The following NELL2 variants were observed in gnomAD, a reference collection of about 807,000 sequenced individuals.
NELL2 encodes neural EGFL like 2, also known as protein kinase C-binding protein NELL2.
A neutral mutation model predicts 109.6 loss-of-function variants in NELL2; 41 were observed. That is an observed-to-expected ratio of 0.37 (90% CI 0.29 to 0.49). The LOEUF (loss-of-function observed/expected upper bound fraction) is 0.49. NELL2 is among the 20% of genes least tolerant of loss of function. NELL2 has a pLI of 0.98. For missense variants in NELL2, 900 were observed against 1,008.3 expected (o/e 0.89, Z 1.45); for synonymous variants, 355 against 344.7 (o/e 1.03, Z -0.33).
At chr12:44,653,659 A>G (rs913745746) in intron 13 of NELL2, among the ~76,000 whole-genome samples, 3 of 152,226 alleles carry the variant, frequency 2.0e-5, no homozygotes, top group Non-Finnish European at 1.5e-5. Flanking sequence ...CAAGAACACC[A>G]ACAAAACCTT....
At chr12:44,630,717 C>T (rs1347311546) in intron 13 of NELL2, among the ~76,000 whole-genome samples, 1 of 152,022 alleles carries the variant, frequency 6.6e-6, no homozygotes, top group Admixed American at 6.6e-5. Flanking sequence ...AGAGAACAGT[C>T]ATAATAATGA....
At chr12:44,524,734 T>C (rs907625974) in intron 16 of NELL2, among the ~76,000 whole-genome samples, 3 of 152,118 alleles carry the variant, frequency 2.0e-5, no homozygotes, top group Admixed American at 2.0e-4. Flanking sequence ...ATGGATTGGA[T>C]CAATAGCCGA....
Position 44,907,118 on chromosome 12 carries a change from T to C in NELL2, c.38+6681A>G, listed in dbSNP as rs529305152. ...TCTCCTTCCTGCCACCATGTGAAGG[T>C]TTGCTACTCCTGCCATGATTGTAAG... On this transcript the variant is annotated intron_variant, in intron 1 of 20. Transcript: ENST00000333837. Among the ~76,000 whole-genome samples the C allele has an allele frequency of 6.4e-4, 98 of 152,092 alleles. 1 individual carries two copies. Among genetic ancestry groups the C allele is most frequent in the African/African-American group, 2.3e-3 (94 of 41,520 alleles).
chr12:44,654,466 C>A (rs1010586145), intron 13 of NELL2, among the ~76,000 whole-genome samples: 4 of 152,190 alleles, frequency 2.6e-5, no homozygotes, highest in Non-Finnish European at 5.9e-5. Flanking sequence ...CTCCTGCTAG[C>A]CATACCTTTG....
intron 16 of NELL2, among the ~76,000 whole-genome samples, chr12:44,527,580 C>T (rs1007638541): frequency 6.6e-6 from 1 of 152,138 alleles, no homozygotes; most frequent in African/African-American, 2.4e-5. Context: ...TCTTACACTT[C>T]AGAGTAATTG....
intron 13 of NELL2, among the ~76,000 whole-genome samples, chr12:44,616,085 T>C (rs1945814066): frequency 6.6e-6 from 1 of 152,124 alleles, no homozygotes; most frequent in South Asian, 2.1e-4. Flanking sequence ...AGAAACACTG[T>C]GCATTGTGCT....
chr12:44,821,070 C>CACAT (rs1555222961), intron 2 of NELL2, among the ~76,000 whole-genome samples: 2 of 151,424 alleles, frequency 1.3e-5, no homozygotes, highest in Admixed American at 6.6e-5. Context: ...CACACACACA[C>CACAT]GTATATATAT....
intron 15 of NELL2, among the ~76,000 whole-genome samples, chr12:44,577,464 A>ATTT (rs1944140229): frequency 2.9e-5 from 3 of 103,916 alleles, no homozygotes; most frequent in African/African-American, 1.6e-4. Context: ...TCAGATGAGT[A>ATTT]GTTTTTTTTT....
chr12:44,529,551 T>A (rs4639992), intron 16 of NELL2, among the ~76,000 whole-genome samples: 1 of 151,848 alleles, frequency 6.6e-6, no homozygotes, highest in African/African-American at 2.4e-5. Context: ...TAGAAAAGAC[T>A]GACAAGGCCT....
intron 11 of NELL2, among the ~76,000 whole-genome samples, chr12:44,709,090 T>C (rs549144784): frequency 3.3e-5 from 5 of 152,196 alleles, no homozygotes; most frequent in African/African-American, 9.6e-5. Context: ...ACTTCTACGC[T>C]ATTCATCTCT....
intron 15 of NELL2, among the ~76,000 whole-genome samples, chr12:44,597,677 T>C (rs530026156): frequency 2.2e-4 from 33 of 152,318 alleles, no homozygotes; most frequent in Middle Eastern, 6.8e-3. Context: ...GCCTACTATA[T>C]GCAAAGCATG....
At position 44,824,992 on chromosome 12, in the gene NELL2, G is replaced by A. The variant is rs568183111; in HGVS notation, c.185-8856C>T. On this transcript the variant is annotated intron_variant, in intron 2 of 19. Transcript: ENST00000429094. ...CCCAAAATGCTGGGATTACAGGCGTGAGCCACCGTGCCCGGCCTGTAGTGT... is the reference window on the plus strand; with the variant it reads ...CCCAAAATGCTGGGATTACAGGCGTAAGCCACCGTGCCCGGCCTGTAGTGT... Among the ~76,000 whole-genome samples the A allele has an allele frequency of 8.5e-5, 13 of 152,248 alleles. No individual in the cohort carries two copies. The South Asian group carries it at 2.7e-3, about 32-fold the overall frequency.
At chr12:44,775,636 T>C (rs1941728623) in intron 8 of NELL2, among the ~76,000 whole-genome samples, 1 of 152,208 alleles carries the variant, frequency 6.6e-6, no homozygotes, top group Non-Finnish European at 1.5e-5. Flanking sequence ...TTGCTCAATC[T>C]GGACACAATA....
chr12:44,578,968 TTTTGTTTG>T (rs994392807), intron 15 of NELL2, among the ~76,000 whole-genome samples: 1 of 152,182 alleles, frequency 6.6e-6, no homozygotes, highest in Admixed American at 6.5e-5. Context: ...AGGGGCATTC[TTTTGTTTG>T]TTTGTTTGTT....
chr12:44,728,825 C>T (rs919357019), intron 9 of NELL2, among the ~76,000 whole-genome samples: 4 of 152,020 alleles, frequency 2.6e-5, no homozygotes, highest in South Asian at 2.1e-4. Context: ...AGTACAATGA[C>T]GTATTTAAAG....
intron 15 of NELL2, among the ~76,000 whole-genome samples, chr12:44,554,145 G>A (rs1943149493): frequency 6.6e-6 from 1 of 152,132 alleles, no homozygotes; most frequent in South Asian, 2.1e-4. Flanking sequence ...ATAAAATAAT[G>A]TAGCCTTCTG....
intron 9 of NELL2, among the ~76,000 whole-genome samples, chr12:44,769,551 A>G (rs1941464767): frequency 6.6e-6 from 1 of 152,114 alleles, no homozygotes; most frequent in East Asian, 1.9e-4. Context: ...ACTGTTTGGA[A>G]AACTGGTTTT....
At chr12:44,637,650 T>C (rs1566064263) in intron 13 of NELL2, among the ~76,000 whole-genome samples, 2 of 149,872 alleles carry the variant, frequency 1.3e-5, no homozygotes, top group African/African-American at 4.9e-5. Flanking sequence ...AAGACCTAAC[T>C]GCGGGAAAAA....
At chr12:44,808,132 C>T (rs575631170) in intron 3 of NELL2, among the ~76,000 whole-genome samples, 104 of 152,148 alleles carry the variant, frequency 6.8e-4, no homozygotes, top group Non-Finnish European at 1.2e-3. Flanking sequence ...CTATGGGCTG[C>T]GGCAGCAGCA....
Sources: gnomAD v4.1 joint callset for allele counts (sites outside exome capture counted in the v4.1 genomes callset) on GRCh38, gnomAD v4.1.1 for gene constraint, MANE v1.5 for transcripts, NCBI Gene and HGNC (gene_info 2026-07-23, HGNC 2026-07-21) for gene names.